Variants in FARP2 observed in about 807,000 individuals in gnomAD.
The protein encoded by FARP2 is FERM, ARHGEF and pleckstrin domain-containing protein 2.
In FARP2, 111 loss-of-function variants were observed where a neutral mutation model predicts 130.5. That is an observed-to-expected ratio of 0.85 (90% confidence interval 0.73 to 1.00). FARP2 has a LOEUF of 1.00. FARP2 is among the 50% of genes least tolerant of loss of function. FARP2 has a pLI of 0.00. For missense variants in FARP2, 1,385 were observed against 1,346.3 expected (o/e 1.03, Z -0.45); for synonymous variants, 504 against 516.9 (o/e 0.98, Z 0.34).
chr2:241,494,120 G>A lies in FARP2; in HGVS notation c.3160G>A (p.Glu1054Lys), dbSNP rs2065038644. 1 of 1,477,010 alleles carries A rather than the reference G, an allele frequency of 6.8e-7. No homozygotes were observed. The highest frequency in any genetic ancestry group is 8.9e-7 in the Non-Finnish European group (1 of 1,120,630). 91.5% of individuals were successfully genotyped at this position (1,477,010 alleles called of 1,614,324 possible). Reference sequence around the variant, plus strand: ...GGAGGGGATGGTCAGGGGGAAGGAGGAATGACGCTCAACCTGCCCAGGTTT... The same window carrying A: ...GGAGGGGATGGTCAGGGGGAAGGAGAAATGACGCTCAACCTGCCCAGGTTT... Reference protein sequence around the residue: ...GLEGMVRGKEE With the variant: ...GLEGMVRGKEK The change falls in exon 27 of 27, where the codon GAA (glutamate) becomes AAA (lysine). Residue 1054 changes from glutamate to lysine, a missense_variant. Transcript: ENST00000264042. The surrounding 1 kb of genome is among the most constrained non-coding windows in gnomAD (Gnocchi z 4.9).
chr2:241,436,380 G>A (rs2063230494), intron 11 of FARP2, 101 bp from the exon 12 acceptor site: 2 of 966,892 alleles, frequency 2.1e-6, no homozygotes, highest in South Asian at 1.3e-5. Flanking sequence ...ACATTTTCTT[G>A]TGAGGTTTTC....
chr2:241,406,056 C>A (rs1202780148), intron 4 of FARP2, among the ~76,000 whole-genome samples: 1 of 152,076 alleles, frequency 6.6e-6, no homozygotes, highest in Non-Finnish European at 1.5e-5. Context: ...GTAATCCCAG[C>A]ACTTTGGGAG....
chr2:241,485,671 G>A (rs988361242), intron 21 of FARP2, among the ~76,000 whole-genome samples: 1 of 140,760 alleles, frequency 7.1e-6, no homozygotes, highest in Non-Finnish European at 1.5e-5. Context: ...CACTCCCTGT[G>A]ATCTTCCCTT....
intron 23 of FARP2, 38 bp from the exon 24 acceptor site, chr2:241,491,478 A>G (rs757387407): frequency 6.2e-7 from 1 of 1,609,998 alleles, no homozygotes; most frequent in East Asian, 2.2e-5. Flanking sequence ...CAGAGGCCAC[A>G]GGGGGTTCCC....
Position 241,475,927 on chromosome 2 carries a change from G to A in FARP2, c.2202G>A (p.Gln734=), listed in dbSNP as rs2064446115. ...QHILIRLENL[Q]KLTELQRDLV... ...TTCTCATCCGGCTGGAGAACCTGCA[G>A]AAGCTAACGGAGCTGCAGCGGGACC... Residue 734 remains glutamine, a synonymous_variant, in exon 19 of 27, where the codon CAG becomes CAA. Coordinates refer to ENST00000264042, the MANE Select transcript of FARP2 (RefSeq NM_014808.4). The surrounding 1 kb of genome is among the most constrained non-coding windows in gnomAD (Gnocchi z 4.4). 4 of 1,614,078 alleles carry A rather than the reference G, an allele frequency of 2.5e-6. No individual in the cohort carries two copies. The highest frequency in any genetic ancestry group is 3.4e-6 in the Non-Finnish European group (4 of 1,179,966).
chr2:241,485,353 T>TCCTAGGATCTTCCCTC lies in FARP2; in HGVS notation c.2421+1026_2421+1041dup, dbSNP rs1395125056. 2.6e-5 allele frequency among the ~76,000 whole-genome samples: 3 copies of TCCTAGGATCTTCCCTC among 116,432 alleles called. No homozygotes were observed. In the East Asian group the frequency reaches 8.2e-4, roughly 32 times the overall value. 76.4% of individuals were successfully genotyped at this position (116,432 alleles called of 152,430 possible). ...TCCCTCATTCCCTGGGATCTTCCCT[T>TCCTAGGATCTTCCCTC]CCTAGGATCTTCCCTCCCTCTCTGG... On this transcript the variant is annotated intron_variant, in intron 21 of 26. Transcript: ENST00000264042.
Position 241,441,342 on chromosome 2 carries a change from C to T in FARP2, c.1197C>T (p.Ser399=), listed in dbSNP as rs1015014963. 4 of 1,611,888 alleles carry T rather than the reference C, an allele frequency of 2.5e-6. No individual in the cohort carries two copies. In the South Asian group the frequency reaches 3.3e-5, roughly 13 times the overall value. ...CCGAGGGATTGAGGACTCCTGCCTC[C>T]CCATCTTCAGCGAATGCCTTTTACT... ...SFPEGLRTPA[S]PSSANAFYSL... Residue 399 remains serine (S), a synonymous_variant, in exon 13 of 27, where the codon TCC becomes TCT. Transcript: ENST00000264042.
In FARP2 at chr2:241,459,820, G is replaced by A. The variant is rs925679218; in HGVS notation, c.1588-2703G>A. 4.0e-5 allele frequency among the ~76,000 whole-genome samples: 6 copies of A among 151,422 alleles called. No individual in the cohort carries two copies. The highest frequency in any genetic ancestry group is 2.9e-5 in the Non-Finnish European group (2 of 67,844). On this transcript the variant is annotated intron_variant, in intron 14 of 26. Transcript: ENST00000264042. This position sits in a 1 kb window ranked among gnomAD's most constrained non-coding sequence, Gnocchi z 5.3. ...ACGGTATTCCTTGGGCTGATTGGGC[G>A]GGGCGGGGCGGGGGCAGGGGCGGGA...
intron 11 of FARP2, among the ~76,000 whole-genome samples, 176 bp from the exon 12 acceptor site, chr2:241,436,305 C>T (rs2063229186): frequency 6.6e-6 from 1 of 152,132 alleles, no homozygotes; most frequent in Non-Finnish European, 1.5e-5. Context: ...CTTGGGACCT[C>T]TGTTTTTTAT....
intron 19 of FARP2, among the ~76,000 whole-genome samples, chr2:241,480,331 A>G (rs1466821829): frequency 1.3e-5 from 2 of 152,186 alleles, no homozygotes; most frequent in Non-Finnish European, 2.9e-5. Flanking sequence ...GGTCTCTTGT[A>G]TGCTGTTAAA....
chr2:241,468,258 A>G lies in FARP2; in HGVS notation c.2012A>G (p.Tyr671Cys), dbSNP rs145029520. 1.6e-4 allele frequency: 255 copies of G among 1,613,992 alleles called. No homozygotes were observed. The African/African-American group carries it at 3.0e-3, about 19-fold the overall frequency. ...YKEFELQKVC[Y>C]LPLNTFLLKP... The stretch of plus-strand genomic sequence containing the variant: ...GAGTTTGAGCTGCAGAAGGTCTGCT[A>G]CTTGCCTCTCAACACGTTCCTGCTG... Residue 671 changes from tyrosine to cysteine, a missense_variant, in exon 18 of 27, where the codon TAC becomes TGC. By Grantham distance (194) the Tyr-to-Cys change is radical. Coordinates refer to ENST00000264042, the MANE Select transcript of FARP2 (RefSeq NM_014808.4).
chr2:241,468,188 G>C lies in FARP2; in HGVS notation c.1942G>C (p.Glu648Gln). The C allele has an allele frequency of 6.2e-7, 1 of 1,614,034 alleles. No individual in the cohort carries two copies. The highest frequency in any genetic ancestry group is 1.1e-5 in the South Asian group (1 of 91,084). The change falls in exon 18 of 27, where the codon GAA becomes CAA. Residue 648 changes from glutamate (E) to glutamine (Q), a missense_variant. Glu to Gln is a conservative substitution (Grantham distance 29). Coordinates refer to ENST00000264042, the MANE Select transcript of FARP2 (RefSeq NM_014808.4). ...ACATGACGAGGTCCTAACAGAACTG[G>C]AAAAGGCTACCAAACGCTGTAAGAA... ...QRHDEVLTEL[E>Q]KATKRCKKLE...
rs772605234 is a variant in FARP2 at position 241,413,409 on chromosome 2, A to G, written c.611A>G (p.His204Arg). 2 of 1,607,554 alleles carry G rather than the reference A, an allele frequency of 1.2e-6. No individual in the cohort carries two copies. Among genetic ancestry groups the G allele is most frequent in the East Asian group, 2.2e-5 (1 of 44,854 alleles). Residue 204 changes from histidine (H) to arginine (R), a missense_variant, in exon 7 of 27, where the codon CAT becomes CGT. By Grantham distance (29) the His-to-Arg change is conservative (BLOSUM62 0). Coordinates refer to ENST00000264042, the MANE Select transcript of FARP2 (RefSeq NM_014808.4). ...TGCCTTGAGAAGATACTAGAATTCC[A>G]TCAGAAGCACGTGTAAGTCATCACA... ...QHCLEKILEF[H>R]QKHVGQTPAE...
At chr2:241,435,795 G>A (rs1027465379) in intron 11 of FARP2, among the ~76,000 whole-genome samples, 6 of 151,710 alleles carry the variant, frequency 4.0e-5, no homozygotes, top group African/African-American at 1.4e-4. Context: ...ACAGGTGTGA[G>A]CCACTGCCCC....
intron 1 of FARP2, among the ~76,000 whole-genome samples, chr2:241,361,253 G>C (rs1478371356): frequency 6.6e-6 from 1 of 152,094 alleles, no homozygotes; most frequent in Non-Finnish European, 1.5e-5. Context: ...CAGGATCCCT[G>C]GCCCTTCACC....
Position 241,468,387 on chromosome 2 carries a change from G to T in FARP2, c.2131+10G>T, listed in dbSNP as rs779329398. On this transcript the variant is annotated intron_variant, in intron 18 of 26. Coordinates refer to ENST00000264042, the MANE Select transcript of FARP2 (RefSeq NM_014808.4). The stretch of plus-strand genomic sequence containing the variant: ...TACGCTGACTGCCATGGTGAGTGTG[G>T]GTGCGGCCCTGCATCTCAAGGATCA... 1.3e-6 allele frequency: 2 copies of T among 1,599,840 alleles called. No individual in the cohort carries two copies. Among genetic ancestry groups the T allele is most frequent in the South Asian group, 1.1e-5 (1 of 90,802 alleles).
Position 241,476,277 on chromosome 2 carries a change from C to T in FARP2, c.2262+290C>T, listed in dbSNP as rs375990599. 2.0e-5 allele frequency among the ~76,000 whole-genome samples: 3 copies of T among 150,266 alleles called. No individual in the cohort carries two copies. The East Asian group carries it at 5.9e-4, about 29-fold the overall frequency. On this transcript the variant is annotated intron_variant, in intron 19 of 26. Transcript: ENST00000264042. ...TGGCGCACACCTGTGGTCCCAGCTACTCAGGAGACTGAGATGGGAGGATCG... is the reference window on the plus strand; with the variant it reads ...TGGCGCACACCTGTGGTCCCAGCTATTCAGGAGACTGAGATGGGAGGATCG...
chr2:241,456,049 AT>A (rs959271514), intron 13 of FARP2, among the ~76,000 whole-genome samples: 5 of 151,746 alleles, frequency 3.3e-5, no homozygotes, highest in Admixed American at 3.3e-4. Flanking sequence ...ATAGAAAAGG[AT>A]TTTTTTATTA....
At chr2:241,467,803 T>C (rs746892940) in intron 17 of FARP2, among the ~76,000 whole-genome samples, 1 of 152,206 alleles carries the variant, frequency 6.6e-6, no homozygotes, top group African/African-American at 2.4e-5. Flanking sequence ...ACTCCCTTAC[T>C]GTGTCCCACG....
Sources: allele counts gnomAD v4.1 joint callset (sites outside exome capture counted in the v4.1 genomes callset), GRCh38; gene constraint gnomAD v4.1.1; non-coding constraint Gnocchi (gnomAD v3.1); transcripts MANE v1.5; gene names NCBI Gene and HGNC (gene_info 2026-07-23, HGNC 2026-07-21).